MCTP1: variants seen among roughly 807,000 people sequenced by gnomAD.
The protein encoded by MCTP1 is multiple C2 and transmembrane domain-containing protein 1.
Under a neutral mutation model 120.6 loss-of-function variants are expected in MCTP1, and 69 were observed. The observed-to-expected ratio is 0.57, with a 90% confidence interval of 0.47 to 0.70. The LOEUF is 0.70. MCTP1 is among the 30% of genes least tolerant of loss of function. MCTP1 has a pLI of 0.00. For missense variants in MCTP1, 1,203 were observed against 1,248.8 expected, an observed-to-expected ratio of 0.96 and a Z score of 0.55; for synonymous variants, 529 against 493.1, an observed-to-expected ratio of 1.07 and a Z score of -0.96.
intron 1 of MCTP1, among the ~76,000 whole-genome samples, chr5:95,049,648 T>A (rs1430588759): frequency 6.6e-6 from 1 of 152,238 alleles, no homozygotes; most frequent in African/African-American, 2.4e-5. Flanking sequence ...TTCTCTCACT[T>A]AGCCCTCTAT....
chr5:94,975,835 G>A (rs958601290), intron 2 of MCTP1, among the ~76,000 whole-genome samples: 2 of 151,938 alleles, frequency 1.3e-5, no homozygotes, highest in Non-Finnish European at 2.9e-5. Flanking sequence ...ATCTACTCAT[G>A]GACATTATTA....
At chr5:94,936,471 C>A (rs1285439110) in intron 5 of MCTP1, among the ~76,000 whole-genome samples, 2 of 152,002 alleles carry the variant, frequency 1.3e-5, no homozygotes, top group Non-Finnish European at 2.9e-5. Flanking sequence ...AGGGAACATA[C>A]ATTGCTTGTT....
At chr5:94,802,629 A>G (rs1189644584) in intron 17 of MCTP1, among the ~76,000 whole-genome samples, 3 of 152,228 alleles carry the variant, frequency 2.0e-5, no homozygotes, top group Admixed American at 6.5e-5. Context: ...CAGCTGGAAG[A>G]AACCCAAGGA....
chr5:95,000,387 T>C (rs1288630890), intron 2 of MCTP1, among the ~76,000 whole-genome samples: 3 of 152,156 alleles, frequency 2.0e-5, no homozygotes, highest in Admixed American at 6.5e-5. Flanking sequence ...GGCAGGTCCT[T>C]CAGGAGGTAT....
intron 1 of MCTP1, among the ~76,000 whole-genome samples, chr5:95,019,712 A>C (rs779572186): frequency 6.6e-6 from 1 of 152,152 alleles, no homozygotes; most frequent in African/African-American, 2.4e-5. Flanking sequence ...TAATTGTTCT[A>C]ATTTTTTTCA....
intron 19 of MCTP1, among the ~76,000 whole-genome samples, chr5:94,728,840 A>G (rs1410621430): frequency 1.3e-5 from 2 of 152,012 alleles, no homozygotes; most frequent in East Asian, 3.9e-4. Context: ...TCATCTCTTC[A>G]TTTGAGTAGT....
chr5:95,199,970 G>A (rs570535820), intron 1 of MCTP1, among the ~76,000 whole-genome samples: 4 of 152,194 alleles, frequency 2.6e-5, no homozygotes, highest in Non-Finnish European at 5.9e-5. Flanking sequence ...AGATCAGCCT[G>A]GCCAACATGG....
At chr5:95,009,174 C>T (rs986723133) in intron 2 of MCTP1, among the ~76,000 whole-genome samples, 4 of 151,438 alleles carry the variant, frequency 2.6e-5, no homozygotes, top group Admixed American at 6.6e-5. Context: ...GAGATAATAA[C>T]TGTTTTGTTG....
At chr5:95,052,756 C>A (rs1746348011) in intron 1 of MCTP1, among the ~76,000 whole-genome samples, 1 of 152,074 alleles carries the variant, frequency 6.6e-6, no homozygotes. Flanking sequence ...TTAAGGGCTC[C>A]AGGTTAAACC....
At chr5:94,903,001 G>A (rs1201037997) in intron 10 of MCTP1, among the ~76,000 whole-genome samples, 1 of 152,094 alleles carries the variant, frequency 6.6e-6, no homozygotes, top group East Asian at 1.9e-4. Context: ...AGAACAAACA[G>A]TAACTCATGA....
intron 18 of MCTP1, among the ~76,000 whole-genome samples, chr5:94,794,157 T>G (rs1380273204): frequency 6.6e-6 from 1 of 152,248 alleles, no homozygotes; most frequent in Non-Finnish European, 1.5e-5. Flanking sequence ...CACCATTGAT[T>G]AGATAACTGA....
chr5:95,244,074 G>T (rs1043203700), intron 1 of MCTP1, among the ~76,000 whole-genome samples: 4 of 152,188 alleles, frequency 2.6e-5, no homozygotes, highest in African/African-American at 9.7e-5. Context: ...GTAGAGAGAA[G>T]ATATTTTTAA....
chr5:95,056,548 C>T (rs1236320233), intron 1 of MCTP1, among the ~76,000 whole-genome samples: 1 of 152,088 alleles, frequency 6.6e-6, no homozygotes, highest in Admixed American at 6.6e-5. Context: ...TTAATTCATA[C>T]TATAGATGTA....
intron 1 of MCTP1, among the ~76,000 whole-genome samples, chr5:95,101,852 G>A (rs1240271286): frequency 6.6e-6 from 1 of 152,144 alleles, no homozygotes; most frequent in African/African-American, 2.4e-5. Flanking sequence ...AAAATAAAGA[G>A]CTTCAGTGCT....
chr5:95,036,075 A>G (rs1260423217), intron 1 of MCTP1, among the ~76,000 whole-genome samples: 1 of 152,112 alleles, frequency 6.6e-6, no homozygotes, highest in African/African-American at 2.4e-5. Flanking sequence ...GTTTCTCCCC[A>G]AAGAAATTCA....
At chr5:94,762,419 C>T (rs1771567201) in intron 19 of MCTP1, among the ~76,000 whole-genome samples, 2 of 152,170 alleles carry the variant, frequency 1.3e-5, no homozygotes. Context: ...AATATTTTTC[C>T]ATTTACATTT....
chr5:94,811,379 A>G (rs1180628312), intron 17 of MCTP1, among the ~76,000 whole-genome samples: 1 of 152,192 alleles, frequency 6.6e-6, no homozygotes, highest in East Asian at 1.9e-4. Flanking sequence ...TTTCAATGGT[A>G]ACAGAAGTTA....
intron 19 of MCTP1, among the ~76,000 whole-genome samples, chr5:94,759,835 T>G (rs1770846610): frequency 6.7e-6 from 1 of 149,320 alleles, no homozygotes; most frequent in Admixed American, 6.7e-5. Context: ...TCCTAATAAA[T>G]GTACCTAATG....
chr5:94,808,620 T>C (rs1330806575), intron 17 of MCTP1, among the ~76,000 whole-genome samples: 1 of 152,168 alleles, frequency 6.6e-6, no homozygotes, highest in Admixed American at 6.5e-5. Flanking sequence ...TGATCTGTTG[T>C]GTTTTGTTGT....
Sources: allele counts gnomAD v4.1 joint callset (sites outside exome capture counted in the v4.1 genomes callset), GRCh38; gene constraint gnomAD v4.1.1; transcripts MANE v1.5; gene names NCBI Gene and HGNC (gene_info 2026-07-23, HGNC 2026-07-21).